The following CEP192 variants were observed in gnomAD, a reference collection of about 807,000 sequenced individuals.
CEP192 encodes the protein centrosomal protein of 192 kDa.
CEP192 carries 151 observed loss-of-function variants against 271.8 expected under a neutral mutation model. That is an observed-to-expected ratio of 0.56 (90% confidence interval 0.49 to 0.64). The LOEUF (loss-of-function observed/expected upper bound fraction) is 0.64. Ranked by LOEUF, CEP192 falls within the 30% of genes least tolerant of loss-of-function variation. The pLI is 0.00. For missense variants in CEP192, 2,910 were observed against 3,020.5 expected (o/e 0.96, Z 0.86); for synonymous variants, 995 against 1,076.5 (o/e 0.92, Z 1.48).
intron 40 of CEP192, among the ~76,000 whole-genome samples, chr18:13,108,279 TAAAA>T (rs1275954089): frequency 6.6e-6 from 1 of 151,914 alleles, no homozygotes. Context: ...GCAATTGTAA[TAAAA>T]AAACACAAAA....
At position 13,056,408 on chromosome 18, in the gene CEP192, G is replaced by A; in HGVS notation, c.3818G>A (p.Gly1273Glu). The A allele has an allele frequency of 1.9e-6, 3 of 1,614,226 alleles. No individual in the cohort carries two copies. Among genetic ancestry groups the A allele is most frequent in the Non-Finnish European group, 2.5e-6 (3 of 1,180,042 alleles). ...TATTTGGGAACACTCCCTTCAACTG[G>A]AAGCACCACCTTGCCTCAGTGCCAT... Reference protein sequence around the residue: ...QRYLGTLPSTGSTTLPQCHAG... With the variant: ...QRYLGTLPSTESTTLPQCHAG... Residue 1273 changes from glycine (G) to glutamate (E), a missense_variant, in exon 19 of 45, where the codon GGA becomes GAA. Gly to Glu is a moderately conservative substitution (Grantham distance 98, BLOSUM62 -2). Coordinates refer to ENST00000506447, the MANE Select transcript of CEP192 (RefSeq NM_032142.4).
intron 40 of CEP192, among the ~76,000 whole-genome samples, chr18:13,109,071 T>C (rs2040086199): frequency 6.6e-6 from 1 of 152,168 alleles, no homozygotes; most frequent in Admixed American, 6.5e-5. Flanking sequence ...CAGCAGATTG[T>C]TCTACTAAAA....
chr18:13,065,418 T>A (rs1176173697), intron 21 of CEP192, among the ~76,000 whole-genome samples: 3 of 152,236 alleles, frequency 2.0e-5, no homozygotes, highest in Non-Finnish European at 2.9e-5. Flanking sequence ...AACACACATT[T>A]AAAAATTGTT....
intron 19 of CEP192, 94 bp from the exon 20 acceptor site, chr18:13,057,491 C>A: frequency 1.4e-6 from 2 of 1,382,752 alleles, no homozygotes; most frequent in Admixed American, 1.9e-5. Flanking sequence ...TGTAAACAGG[C>A]CATCTTATAA....
chr18:13,055,687 ATCTCTTTG>A, intron 18 of CEP192, 85 bp from the exon 19 acceptor site: 1 of 879,134 alleles, frequency 1.1e-6, no homozygotes, highest in Non-Finnish European at 1.7e-6. Flanking sequence ...CCTCATGCAC[ATCTCTTTG>A]TTACTTGAGC....
intron 30 of CEP192, among the ~76,000 whole-genome samples, chr18:13,082,762 G>T (rs2038688876): frequency 6.6e-6 from 1 of 152,168 alleles, no homozygotes; most frequent in Admixed American, 6.5e-5. Context: ...GCTAGTACCA[G>T]TTGTTCCTTT....
intron 18 of CEP192, among the ~76,000 whole-genome samples, chr18:13,053,550 C>T (rs186815536): frequency 1.3e-5 from 2 of 152,256 alleles, no homozygotes; most frequent in East Asian, 1.9e-4. Flanking sequence ...AAGTTTAGAA[C>T]GGCCACAGTG....
Position 13,012,985 on chromosome 18 carries a change from A to AT in CEP192, c.483dup (p.His162SerfsTer8). On this transcript the variant is annotated frameshift_variant, in exon 5 of 45. Coordinates refer to ENST00000506447, the MANE Select transcript of CEP192 (RefSeq NM_032142.4). LOFTEE classifies it high-confidence loss of function. Reference sequence around the variant, plus strand: ...TTTTCTTACACAGACTCACCTATTGATTTTCATTTACAGTCATGGATGAAT... The same window carrying AT: ...TTTTCTTACACAGACTCACCTATTGATTTTTCATTTACAGTCATGGATGAAT... The AT allele has an allele frequency of 1.3e-6, 2 of 1,515,546 alleles. No individual in the cohort carries two copies. Among genetic ancestry groups the AT allele is most frequent in the Non-Finnish European group, 1.8e-6 (2 of 1,116,876 alleles). 93.9% of individuals were successfully genotyped at this position (1,515,546 alleles called of 1,614,324 possible). A position where few individuals can be genotyped will look rare whatever the true frequency, so the allele number is the denominator to read the frequency against.
intron 17 of CEP192, among the ~76,000 whole-genome samples, chr18:13,050,588 C>CT (rs1393025370): frequency 5.7e-5 from 8 of 140,740 alleles, no homozygotes; most frequent in Non-Finnish European, 3.1e-5. Context: ...TTTTTTTTTT[C>CT]TTTTTTTTTC....
In CEP192 at chr18:13,009,341, A is replaced by G. The variant is rs141174994; in HGVS notation, c.466+710A>G. Among the ~76,000 whole-genome samples the G allele has an allele frequency of 3.8e-3, 584 of 152,264 alleles. 3 individuals are homozygous for G. The highest frequency in any genetic ancestry group is 0.02 in the Middle Eastern group (6 of 294). ...CTGTCGGATGGCCACAGCATACTTT[A>G]TATTCAAGACAAGCCTATTTTTAGT... On this transcript the variant is annotated intron_variant, in intron 4 of 44. Coordinates refer to ENST00000506447, the MANE Select transcript of CEP192 (RefSeq NM_032142.4).
Position 13,033,471 on chromosome 18 carries a change from A to G in CEP192, c.1534+2863A>G, listed in dbSNP as rs11660959. On this transcript the variant is annotated intron_variant, in intron 11 of 44. Coordinates refer to ENST00000506447, the MANE Select transcript of CEP192 (RefSeq NM_032142.4). Reference sequence around the variant, plus strand: ...GTGAGGGACACAGGTATGCTAGTCCATTCTTGGCACCGCGTCTACCTATAA... The same window carrying G: ...GTGAGGGACACAGGTATGCTAGTCCGTTCTTGGCACCGCGTCTACCTATAA... Among the ~76,000 whole-genome samples the G allele has an allele frequency of 8.6e-3, 1,306 of 152,264 alleles. 14 individuals are homozygous for G. Among genetic ancestry groups the G allele is most frequent in the Non-Finnish European group, 0.011 (719 of 68,026 alleles).
At position 13,113,693 on chromosome 18, in the gene CEP192, A is replaced by G. The variant is rs1207913998; in HGVS notation, c.7155A>G (p.Gln2385=). 6 of 1,611,536 alleles carry G rather than the reference A, an allele frequency of 3.7e-6. No homozygotes were observed. In the East Asian group the frequency reaches 6.7e-5, roughly 18 times the overall value. Residue 2385 remains glutamine (Q), a synonymous_variant, in exon 41 of 45, where the codon CAA becomes CAG. Coordinates refer to ENST00000506447, the MANE Select transcript of CEP192 (RefSeq NM_032142.4). The part of the protein sequence containing the change: ...EPHMKHTLRF[Q]LSGQSIEAEN... ...ACATGAAACACACGTTGAGATTCCA[A>G]CTCTCTGGACAAGTGAGTAGTACAC... is the stretch of plus-strand genomic sequence containing the variant.
At chr18:13,106,788 C>T (rs1270978970) in intron 40 of CEP192, among the ~76,000 whole-genome samples, 2 of 152,070 alleles carry the variant, frequency 1.3e-5, no homozygotes, top group African/African-American at 2.4e-5. Flanking sequence ...CCATCATCAT[C>T]TCCCACACAA....
rs1463601336 is a variant in CEP192, at chr18:13,030,518, A to G, written c.1444A>G (p.Thr482Ala). Residue 482 changes from threonine (T) to alanine (A), a missense_variant, in exon 11 of 45, where the codon ACA (threonine) becomes GCA (alanine). Thr to Ala is a moderately conservative substitution (Grantham distance 58, BLOSUM62 0). Coordinates refer to ENST00000506447, the MANE Select transcript of CEP192 (RefSeq NM_032142.4). ...TCAAAATGAAGAGGGTAGGTGGGTC[A>G]CAGACCTTGCCTATTACACATCTTT... ...VYQNEEGRWV[T>A]DLAYYTSFNS... 2.2e-5 allele frequency: 36 copies of G among 1,612,736 alleles called. No individual in the cohort carries two copies. Among genetic ancestry groups the G allele is most frequent in the Non-Finnish European group, 2.9e-5 (34 of 1,179,356 alleles).
chr18:13,055,835 T>A lies in CEP192; in HGVS notation c.3245T>A (p.Leu1082Ter). The change falls in exon 19 of 45, where the codon TTG (leucine) becomes TAG (stop). Residue 1082 changes from leucine to a stop codon, truncating the protein, a stop_gained. Transcript: ENST00000506447. LOFTEE classifies it high-confidence loss of function. Reference protein sequence around the residue: ...TTIIQGSPAALEERAMEKLRE... With the variant: ...TTIIQGSPAA ...ATTATTCAAGGCAGTCCAGCCGCAT[T>A]GGAGGAACGGGCTATGGAAAAATTG... 1 of 1,610,716 alleles carries A rather than the reference T, an allele frequency of 6.2e-7. No individual in the cohort carries two copies. Among genetic ancestry groups the A allele is most frequent in the Non-Finnish European group, 8.5e-7 (1 of 1,178,668 alleles).
chr18:13,004,299 CTT>C (rs59209178), intron 3 of CEP192, among the ~76,000 whole-genome samples: 1 of 147,670 alleles, frequency 6.8e-6, no homozygotes, highest in Non-Finnish European at 1.5e-5. Context: ...AGAAGTTTCA[CTT>C]TTTTTTTTTG....
At chr18:13,119,296 G>T (rs560747247) in intron 44 of CEP192, among the ~76,000 whole-genome samples, 2 of 152,200 alleles carry the variant, frequency 1.3e-5, no homozygotes, top group Admixed American at 1.3e-4. Flanking sequence ...CCTCAGATTG[G>T]TTCACATCCC....
At chr18:13,034,950 G>A (rs940397424) in intron 11 of CEP192, among the ~76,000 whole-genome samples, 6 of 152,140 alleles carry the variant, frequency 3.9e-5, no homozygotes, top group Admixed American at 3.9e-4. Flanking sequence ...CGACAGTGGG[G>A]GAAACACAAA....
At position 13,086,742 on chromosome 18, in the gene CEP192, A is replaced by G. The variant is rs116548989; in HGVS notation, c.5617-275A>G. Among the ~76,000 whole-genome samples, 984 of 152,290 alleles carry G rather than the reference A, an allele frequency of 6.5e-3. 22 individuals are homozygous for G. The highest frequency in any genetic ancestry group is 0.022 in the African/African-American group (926 of 41,550). Reference sequence around the variant, plus strand: ...ATCAAGCATATCTGTACTAATCTTTATATTATTCCTGTGTCATCAAAGCTT... The same window carrying G: ...ATCAAGCATATCTGTACTAATCTTTGTATTATTCCTGTGTCATCAAAGCTT... On this transcript the variant is annotated intron_variant, in intron 30 of 44. Transcript: ENST00000506447.
Sources: allele counts gnomAD v4.1 joint callset (sites outside exome capture counted in the v4.1 genomes callset), GRCh38; gene constraint gnomAD v4.1.1; transcripts MANE v1.5; gene names NCBI Gene and HGNC (gene_info 2026-07-23, HGNC 2026-07-21).